Variants in R3HDML observed in about 807,000 individuals in gnomAD.
R3HDML encodes R3H domain containing like, also known as peptidase inhibitor R3HDML.
In R3HDML, 21 loss-of-function variants were observed where a neutral mutation model predicts 24.2. The ratio of observed to expected loss-of-function variants is 0.87; its 90% CI spans 0.62 to 1.25. R3HDML has a LOEUF of 1.25. R3HDML is among the 50% of genes most tolerant of loss of function. The pLI is 0.00. For synonymous variants in R3HDML, 133 were observed against 131.5 expected (o/e 1.01, Z -0.08); for missense variants, 301 against 340.3 (o/e 0.88, Z 0.91).
At position 44,337,550 on chromosome 20, in the gene R3HDML, C is replaced by T; in HGVS notation, c.261+132C>T. On this transcript the variant is annotated intron_variant, in intron 1 of 4. Coordinates refer to ENST00000217043, the MANE Select transcript of R3HDML (RefSeq NM_178491.4). This position sits in a 1 kb window ranked among gnomAD's most constrained non-coding sequence, Gnocchi z 4.7. ...CCTGCCTGGCCCCACTAGCCAGTAT[C>T]TGGGTGTCGACCTGTGGAAAGGGCA... 1.0e-6 allele frequency: 1 copy of T among 966,062 alleles called. No individual in the cohort carries two copies. Among genetic ancestry groups the T allele is most frequent in the Non-Finnish European group, 1.5e-6 (1 of 648,756 alleles). The allele number at this position is 966,062 out of a possible 1,614,324, so 59.8% of individuals were successfully genotyped here.
chr20:44,350,089 G>A (rs2062804651), intron 4 of R3HDML, among the ~76,000 whole-genome samples: 2 of 152,040 alleles, frequency 1.3e-5, no homozygotes, highest in Non-Finnish European at 2.9e-5. Flanking sequence ...CAAACAAAAA[G>A]AATAAGAAAA....
chr20:44,348,723 A>G (rs959239514), intron 4 of R3HDML, among the ~76,000 whole-genome samples: 10 of 151,946 alleles, frequency 6.6e-5, no homozygotes, highest in African/African-American at 2.2e-4. Flanking sequence ...CATGTTGCCC[A>G]GGCTAGTCTG....
At chr20:44,341,093 G>A (rs2062770881) in intron 1 of R3HDML, 103 bp from the exon 2 acceptor site, 1 of 936,388 alleles carries the variant, frequency 1.1e-6, no homozygotes, top group East Asian at 2.4e-5. Flanking sequence ...AGGGTTCCAG[G>A]GAGATGGGGT....
intron 2 of R3HDML, among the ~76,000 whole-genome samples, chr20:44,341,842 GC>G (rs2062773262): frequency 6.6e-6 from 1 of 152,102 alleles, no homozygotes; most frequent in Non-Finnish European, 1.5e-5. Context: ...CTGAGGTTGC[GC>G]CACTGCACTC....
chr20:44,341,780 G>C (rs1255599417), intron 2 of R3HDML, among the ~76,000 whole-genome samples: 4 of 152,180 alleles, frequency 2.6e-5, no homozygotes, highest in Non-Finnish European at 1.5e-5. Context: ...AAGTACTCGG[G>C]AGGCTGAGGC....
chr20:44,340,628 C>T (rs2062769749), intron 1 of R3HDML, among the ~76,000 whole-genome samples: 1 of 151,930 alleles, frequency 6.6e-6, no homozygotes. Flanking sequence ...AACCCTGTCT[C>T]TACAAAAATT....
At position 44,343,453 on chromosome 20, in the gene R3HDML, T is replaced by A. The variant is rs750649693; in HGVS notation, c.457T>A (p.Cys153Ser). 1 of 1,613,116 alleles carries A rather than the reference T, an allele frequency of 6.2e-7. No homozygotes were observed. Among genetic ancestry groups the A allele is most frequent in the Non-Finnish European group, 8.5e-7 (1 of 1,179,594 alleles). ...WHYLFPAPRD[C>S]NPHCPWRCDG... ...TTACTTGTTTCCGGCCCCAAGGGAC[T>A]GTAACCCACACTGCCCCTGGCGCTG... is the stretch of plus-strand genomic sequence containing the variant. The change falls in exon 3 of 5, where the codon TGT (cysteine) becomes AGT (serine). Residue 153 changes from cysteine to serine, a missense_variant. Coordinates refer to ENST00000217043, the MANE Select transcript of R3HDML (RefSeq NM_178491.4).
At chr20:44,348,907 C>T (rs1441991385) in intron 4 of R3HDML, among the ~76,000 whole-genome samples, 13 of 152,104 alleles carry the variant, frequency 8.5e-5, no homozygotes, top group Admixed American at 8.5e-4. Context: ...TCCCAGCACT[C>T]TGAGAGGCCG....
Position 44,343,458 on chromosome 20 carries a change from C to T in R3HDML, c.462C>T (p.Asn154=), listed in dbSNP as rs758482875. ...TGTTTCCGGCCCCAAGGGACTGTAACCCACACTGCCCCTGGCGCTGCGATG... is the reference window on the plus strand; with the variant it reads ...TGTTTCCGGCCCCAAGGGACTGTAATCCACACTGCCCCTGGCGCTGCGATG... ...HYLFPAPRDC[N]PHCPWRCDGP... The change falls in exon 3 of 5, where the codon AAC becomes AAT. Residue 154 remains asparagine (N), a synonymous_variant. Transcript: ENST00000217043. 6.2e-7 allele frequency: 1 copy of T among 1,613,016 alleles called. No individual in the cohort carries two copies. The highest frequency in any genetic ancestry group is 2.2e-5 in the East Asian group (1 of 44,766).
chr20:44,349,738 A>G (rs1028875385), intron 4 of R3HDML, among the ~76,000 whole-genome samples: 1 of 152,218 alleles, frequency 6.6e-6, no homozygotes, highest in African/African-American at 2.4e-5. Flanking sequence ...GCCATGAGCA[A>G]GAGCTGGAGG....
intron 1 of R3HDML, among the ~76,000 whole-genome samples, chr20:44,340,859 A>C (rs2062770338): frequency 6.6e-6 from 1 of 152,232 alleles, no homozygotes; most frequent in East Asian, 1.9e-4. Context: ...TACTATAAGT[A>C]CAATTTAAGA....
rs1228166696 is a variant in R3HDML at position 44,345,342 on chromosome 20, A to G, written c.593A>G (p.His198Arg). The G allele has an allele frequency of 6.2e-7, 1 of 1,614,126 alleles. No individual in the cohort carries two copies. The highest frequency in any genetic ancestry group is 8.5e-7 in the Non-Finnish European group (1 of 1,180,004). Residue 198 changes from histidine to arginine, a missense_variant, in exon 4 of 5, where the codon CAT becomes CGT. Transcript: ENST00000217043. The stretch of plus-strand genomic sequence containing the variant: ...ATCAGTGTCTGGGGCAACACCTGGC[A>G]TCGGGCGGCATACCTGGTCTGCAAC... ...SSISVWGNTW[H>R]RAAYLVCNYA...
intron 4 of R3HDML, among the ~76,000 whole-genome samples, chr20:44,345,829 C>CTTTCTTTTTTTTTTTTTTTTTT (rs1428987914): frequency 1.1e-4 from 17 of 147,872 alleles, no homozygotes; most frequent in Middle Eastern, 3.6e-3. Context: ...TTCTTTCTTT[C>CTTTCTTTTTTTTTTTTTTTTTT]TTTTTTTTGA....
chr20:44,349,271 A>G (rs1011966398), intron 4 of R3HDML, among the ~76,000 whole-genome samples: 9 of 152,228 alleles, frequency 5.9e-5, no homozygotes, highest in African/African-American at 2.2e-4. Context: ...ACTCTTGGGC[A>G]TGGGAAATCG....
At chr20:44,341,578 G>A (rs2062772562) in intron 2 of R3HDML, among the ~76,000 whole-genome samples, 1 of 152,174 alleles carries the variant, frequency 6.6e-6, no homozygotes, top group Non-Finnish European at 1.5e-5. Flanking sequence ...GGAGGGATTG[G>A]AAGACTAAGA....
Position 44,350,646 on chromosome 20 carries a change from C to A in R3HDML, c.630-14C>A. The A allele has an allele frequency of 6.2e-7, 1 of 1,611,310 alleles. No individual in the cohort carries two copies. The highest frequency in any genetic ancestry group is 8.5e-7 in the Non-Finnish European group (1 of 1,178,790). ...TAATGCTCCTCTGTCTCCCTGGGTC[C>A]TTTTCTCTTCCAGGGGCAACTGGAT... On this transcript the variant is annotated splice_polypyrimidine_tract_variant and intron_variant, in intron 4 of 4. Transcript: ENST00000217043.
At chr20:44,345,628 A>AC (rs2062784449) in intron 4 of R3HDML, among the ~76,000 whole-genome samples, 1 of 150,892 alleles carries the variant, frequency 6.6e-6, no homozygotes, top group Admixed American at 6.6e-5. Flanking sequence ...ACAAAGCAAG[A>AC]CCCCAACTCT....
At chr20:44,338,028 G>A (rs1395747689) in intron 1 of R3HDML, among the ~76,000 whole-genome samples, 2 of 152,178 alleles carry the variant, frequency 1.3e-5, no homozygotes, top group Admixed American at 6.5e-5. Flanking sequence ...AGAGGAAGCT[G>A]GGATGTCTCC....
chr20:44,350,024 CGCACCATT>C (rs1174667184), intron 4 of R3HDML, among the ~76,000 whole-genome samples: 13 of 151,958 alleles, frequency 8.6e-5, no homozygotes, highest in African/African-American at 3.1e-4. Context: ...GAGCCAAGAT[CGCACCATT>C]GCATTCCAGA....
Sources: allele counts gnomAD v4.1 joint callset (sites outside exome capture counted in the v4.1 genomes callset), GRCh38; gene constraint gnomAD v4.1.1; non-coding constraint Gnocchi (gnomAD v3.1); transcripts MANE v1.5; gene names NCBI Gene and HGNC (gene_info 2026-07-23, HGNC 2026-07-21).